GCC2: variants seen among roughly 807,000 people sequenced by gnomAD.
GCC2 encodes GRIP and coiled-coil domain-containing protein 2.
GCC2 carries 120 observed loss-of-function variants against 210.6 expected under a neutral mutation model. The observed-to-expected ratio is 0.57, with a 90% CI of 0.49 to 0.66. The LOEUF is 0.66. Among genes scored for constraint, GCC2 ranks in the 30% least tolerant of loss-of-function variants. GCC2 has a pLI of 0.00. For synonymous variants in GCC2, 703 were observed against 652.7 expected, an observed-to-expected ratio of 1.08 and a Z score of -1.17; for missense variants, 1,868 against 1,871.9, an observed-to-expected ratio of 1.00 and a Z score of 0.04.
At chr2:108,462,731 T>A (rs1680669490) in intron 4 of GCC2, 1 of 151,384 alleles carries the variant, frequency 6.6e-6, no homozygotes, top group Non-Finnish European at 1.5e-5. Flanking sequence ...CCCAGCTAAT[T>A]TCTGTAATTT....
intron 20 of GCC2, 167 bp downstream of exon 20, chr2:108,495,652 A>G (rs1237760069): frequency 4.5e-6 from 2 of 445,238 alleles, no homozygotes; most frequent in African/African-American, 2.0e-5. Flanking sequence ...AACTAATTGG[A>G]TGGTTGGATG....
At chr2:108,505,357 A>G (rs2104522052) in intron 22 of GCC2, among the ~76,000 whole-genome samples, 1 of 152,294 alleles carries the variant, frequency 6.6e-6, no homozygotes, top group East Asian at 1.9e-4. Context: ...TACTTTCTAG[A>G]AGTTCTTCAG....
intron 4 of GCC2, among the ~76,000 whole-genome samples, chr2:108,467,755 A>G (rs1006487257): frequency 1.1e-4 from 17 of 152,284 alleles, no homozygotes; most frequent in African/African-American, 4.1e-4. Flanking sequence ...GTAGTTGGAT[A>G]TTGGTTTAAA....
chr2:108,471,610 G>A lies in GCC2; in HGVS notation c.2281G>A (p.Gly761Ser), dbSNP rs1336144112. 7 of 1,613,346 alleles carry A rather than the reference G, an allele frequency of 4.3e-6. No homozygotes were observed. The highest frequency in any genetic ancestry group is 5.9e-6 in the Non-Finnish European group (7 of 1,179,602). The change falls in exon 6 of 23, where the codon GGT (glycine) becomes AGT (serine). Residue 761 changes from glycine (G) to serine (S), a missense_variant. Physicochemically the swap from Gly to Ser is moderately conservative, Grantham distance 56. This residue lies in a region of GCC2 where 1,847 missense variants were observed against 1,765.2 expected (regional missense o/e 1.05). Coordinates refer to ENST00000309863, the MANE Select transcript of GCC2 (RefSeq NM_181453.4). ...GTTATTTGTTAAAACTCAGTTGTAT[G>A]GTTTTCTTAAAGAAATGGGATCAGA... is the stretch of plus-strand genomic sequence containing the variant. ...QKLFVKTQLY[G>S]FLKEMGSEVS...
intron 3 of GCC2, 128 bp downstream of exon 3, chr2:108,451,240 G>T: frequency 1.8e-6 from 1 of 544,180 alleles, no homozygotes; most frequent in South Asian, 2.8e-5. Flanking sequence ...CCTTAGTGTA[G>T]TAGAATCTGT....
Position 108,497,163 on chromosome 2 carries a change from C to G in GCC2, c.4782+54C>G, listed in dbSNP as rs1479725848. ...AAACCGCCAGTTTGGTTTTCTTGAC[C>G]CTCCATACACATGCACGATCTCAGC... On this transcript the variant is annotated intron_variant, in intron 21 of 22. Transcript: ENST00000309863. 3.1e-6 allele frequency: 5 copies of G among 1,610,770 alleles called. No homozygotes were observed. The South Asian group carries it at 4.4e-5, about 14-fold the overall frequency.
intron 4 of GCC2, among the ~76,000 whole-genome samples, chr2:108,456,207 G>A (rs1011080113): frequency 1.3e-5 from 2 of 151,968 alleles, no homozygotes; most frequent in Admixed American, 6.6e-5. Flanking sequence ...GGATGGTCTC[G>A]ATCCCCTGAC....
In GCC2 at chr2:108,470,117, C is replaced by A. The variant is rs1255245986; in HGVS notation, c.788C>A (p.Ala263Asp). ...KELMCQIEAS[A>D]KEHEAEINKL... ...TTGATGTGCCAGATTGAAGCATCAG[C>A]TAAGGAACATGAAGCAGAGATAAAT... The change falls in exon 6 of 23, where the codon GCT (alanine) becomes GAT (aspartate). Residue 263 changes from alanine to aspartate, a missense_variant. Ala to Asp is a moderately radical substitution (Grantham distance 126). Around this residue, in one of 3 missense-constraint regions of GCC2, gnomAD observed 1,847 missense variants for 1,765.2 expected, o/e 1.05. Transcript: ENST00000309863. 1 of 1,613,524 alleles carries A rather than the reference C, an allele frequency of 6.2e-7. No homozygotes were observed. Among genetic ancestry groups the A allele is most frequent in the South Asian group, 1.1e-5 (1 of 91,062 alleles).
intron 9 of GCC2, among the ~76,000 whole-genome samples, chr2:108,480,712 G>T (rs1681807606): frequency 6.6e-6 from 1 of 152,132 alleles, no homozygotes; most frequent in Non-Finnish European, 1.5e-5. Flanking sequence ...AGAACACATG[G>T]ACACATACAG....
intron 16 of GCC2, among the ~76,000 whole-genome samples, chr2:108,487,031 G>T (rs541823266): frequency 6.6e-6 from 1 of 152,162 alleles, no homozygotes; most frequent in Non-Finnish European, 1.5e-5. Context: ...CAGAGACAGT[G>T]CAGTGGTTGT....
chr2:108,503,951 T>C (rs1220569511), intron 22 of GCC2, among the ~76,000 whole-genome samples: 1 of 151,968 alleles, frequency 6.6e-6, no homozygotes, highest in Non-Finnish European at 1.5e-5. Flanking sequence ...TCTGCAAAAA[T>C]TTTAAAATAT....
chr2:108,463,142 T>C (rs959017472), intron 4 of GCC2, among the ~76,000 whole-genome samples: 1 of 152,142 alleles, frequency 6.6e-6, no homozygotes, highest in Non-Finnish European at 1.5e-5. Context: ...ACTTTTTGTA[T>C]CTCACTGAGC....
intron 3 of GCC2, among the ~76,000 whole-genome samples, 184 bp from the exon 4 acceptor site, chr2:108,452,215 G>A (rs1454953181): frequency 6.6e-6 from 1 of 152,130 alleles, no homozygotes; most frequent in Admixed American, 6.5e-5. Context: ...AGGTTGGGAG[G>A]AAACAAAATT....
chr2:108,449,548 G>T, intron 1 of GCC2, 85 bp from the exon 2 acceptor site: 1 of 1,399,886 alleles, frequency 7.1e-7, no homozygotes, highest in Non-Finnish European at 1.0e-6. Context: ...TCCATAGAAG[G>T]TTTTTCCCTG....
At position 108,469,738 on chromosome 2, in the gene GCC2, G is replaced by A; in HGVS notation, c.409G>A (p.Glu137Lys). 1 of 1,613,116 alleles carries A rather than the reference G, an allele frequency of 6.2e-7. No homozygotes were observed. The highest frequency in any genetic ancestry group is 8.5e-7 in the Non-Finnish European group (1 of 1,179,312). The change falls in exon 6 of 23, where the codon GAG (glutamate) becomes AAG (lysine). Residue 137 changes from glutamate (E) to lysine (K), a missense_variant. Glu to Lys is a moderately conservative substitution (Grantham distance 56, BLOSUM62 1). Around this residue, in one of 3 missense-constraint regions of GCC2, gnomAD observed 1,847 missense variants for 1,765.2 expected, o/e 1.05. Coordinates refer to ENST00000309863, the MANE Select transcript of GCC2 (RefSeq NM_181453.4). The part of the protein sequence containing the change: ...YVKEIENLKN[E>K]LMAVRSKYSE... ...GAAAGAAATTGAAAATTTGAAAAAT[G>A]AGTTGATGGCAGTACGTTCCAAATA...
intron 4 of GCC2, among the ~76,000 whole-genome samples, chr2:108,458,655 G>A (rs1347568025): frequency 6.6e-6 from 1 of 151,808 alleles, no homozygotes; most frequent in Non-Finnish European, 1.5e-5. Flanking sequence ...TCTTTGATAG[G>A]TTGTATGTTT....
chr2:108,462,451 G>A (rs1680643922), intron 4 of GCC2: 1 of 149,050 alleles, frequency 6.7e-6, no homozygotes, highest in African/African-American at 2.5e-5. Flanking sequence ...CCGAGATCAT[G>A]CCACTGCACT....
In GCC2 at chr2:108,471,156, A is replaced by AATGGATAAT; in HGVS notation, c.1828_1836dup (p.Met610_Asn612dup). 6.3e-7 allele frequency: 1 copy of AATGGATAAT among 1,593,916 alleles called. No homozygotes were observed. Among genetic ancestry groups the AATGGATAAT allele is most frequent in the South Asian group, 1.1e-5 (1 of 88,118 alleles). Reference sequence around the variant, plus strand: ...ATAAACTGAAAAATTCCCATGAAGAAATGGATAATTTCCATAAGAAATGTG... The same window carrying AATGGATAAT: ...ATAAACTGAAAAATTCCCATGAAGAAATGGATAATATGGATAATTTCCATAAGAAATGTG... On this transcript the variant is annotated inframe_insertion, in exon 6 of 23. Transcript: ENST00000309863.
Position 108,449,407 on chromosome 2 carries a change from C to T in GCC2, c.6+127C>T, listed in dbSNP as rs548684084. 37 of 1,434,240 alleles carry T rather than the reference C, an allele frequency of 2.6e-5. No individual in the cohort carries two copies. The African/African-American group carries it at 5.1e-4, about 20-fold the overall frequency. 88.8% of individuals were successfully genotyped at this position (1,434,240 alleles called of 1,614,324 possible). ...TGTCCCGAAGCCCGCGCTGCTGTCGCCTCCCCATCTTTCGTAAACTCTATC... is the reference window on the plus strand; with the variant it reads ...TGTCCCGAAGCCCGCGCTGCTGTCGTCTCCCCATCTTTCGTAAACTCTATC... On this transcript the variant is annotated intron_variant, in intron 1 of 22. Transcript: ENST00000309863.
Sources: gnomAD v4.1 joint callset for allele counts (sites outside exome capture counted in the v4.1 genomes callset) on GRCh38, gnomAD v4.1.1 for gene constraint, gnomAD v4.1.1 regional missense constraint, MANE v1.5 for transcripts, NCBI Gene and HGNC (gene_info 2026-07-23, HGNC 2026-07-21) for gene names.